Variants in CDH4 observed in about 807,000 individuals in gnomAD.
CDH4 encodes the protein cadherin 4.
CDH4 carries 33 observed loss-of-function variants against 86.0 expected under a neutral mutation model. The ratio of observed to expected loss-of-function variants is 0.38; its 90% confidence interval spans 0.29 to 0.51. The LOEUF is 0.51. Among genes scored for constraint, CDH4 ranks in the 20% least tolerant of loss-of-function variants. The probability of loss-of-function intolerance (pLI) is 0.86; values close to 1 mark genes in which losing one functional copy is unlikely to be tolerated. For synonymous variants in CDH4, 555 were observed against 549.4 expected, an observed-to-expected ratio of 1.01 and a Z score of -0.14; for missense variants, 1,114 against 1,307.4, an observed-to-expected ratio of 0.85 and a Z score of 2.28.
In CDH4 at chr20:61,357,808, C is replaced by T. The variant is rs114428214; in HGVS notation, c.169+102871C>T. On this transcript the variant is annotated intron_variant, in intron 2 of 15. Coordinates refer to ENST00000614565, the MANE Select transcript of CDH4 (RefSeq NM_001794.5). ...CTCACAAAGCAGACCCGTGTGCCAG[C>T]CAGGACCACATGCCTGCAAGTGATC... Among the ~76,000 whole-genome samples the T allele has an allele frequency of 6.9e-3, 1,058 of 152,330 alleles. 9 individuals carry two copies. The highest frequency in any genetic ancestry group is 0.022 in the African/African-American group (918 of 41,580).
chr20:61,484,202 C>T (rs892027263), intron 2 of CDH4, among the ~76,000 whole-genome samples: 3 of 152,062 alleles, frequency 2.0e-5, no homozygotes, highest in African/African-American at 7.2e-5. Context: ...TAATATTTTC[C>T]CACCAGCACC....
chr20:61,652,930 A>ATTT (rs1200927520), intron 2 of CDH4, among the ~76,000 whole-genome samples: 6 of 108,024 alleles, frequency 5.6e-5, no homozygotes, highest in African/African-American at 1.2e-4. Context: ...TTATTTATTT[A>ATTT]TTTATTTATT....
In CDH4 at chr20:61,910,303, GC is replaced by G; in HGVS notation, c.1189-118del. ...TTCTGTTTGTGAACACTCGAGCTGG[GC>G]TGACACGGTGTGTTCTGTTTGTGAA... On this transcript the variant is annotated intron_variant, in intron 8 of 15. Coordinates refer to ENST00000614565, the MANE Select transcript of CDH4 (RefSeq NM_001794.5). 5.9e-6 allele frequency: 5 copies of G among 848,126 alleles called. 1 individual carries two copies. In the South Asian group the frequency reaches 6.5e-5, roughly 11 times the overall value. 52.5% of individuals were successfully genotyped at this position (848,126 alleles called of 1,614,324 possible).
chr20:61,921,546 G>A (rs756776496), intron 9 of CDH4, among the ~76,000 whole-genome samples: 1 of 152,224 alleles, frequency 6.6e-6, no homozygotes, highest in Non-Finnish European at 1.5e-5. Flanking sequence ...GAGGTCAGAA[G>A]TTCAAGACCA....
At chr20:61,435,498 G>A (rs994707096) in intron 2 of CDH4, 4 of 152,614 alleles carry the variant, frequency 2.6e-5, no homozygotes, top group Non-Finnish European at 2.9e-5. Flanking sequence ...GGTGCACTGC[G>A]GCCGGAGGAG....
At chr20:61,875,021 G>T (rs555649832) in intron 7 of CDH4, among the ~76,000 whole-genome samples, 23 of 152,348 alleles carry the variant, frequency 1.5e-4, no homozygotes, top group Non-Finnish European at 2.8e-4. Context: ...GCAAGCTGGG[G>T]CTGCCAACCT....
chr20:61,921,116 G>T (rs1314503692), intron 9 of CDH4, among the ~76,000 whole-genome samples: 1 of 149,500 alleles, frequency 6.7e-6, no homozygotes, highest in African/African-American at 2.4e-5. Flanking sequence ...TGGAAGCGTG[G>T]TGTCACGGTG....
At chr20:61,504,343 T>G (rs2085725331) in intron 2 of CDH4, among the ~76,000 whole-genome samples, 1 of 152,190 alleles carries the variant, frequency 6.6e-6, no homozygotes, top group Non-Finnish European at 1.5e-5. Context: ...GATGTTCGGA[T>G]TGTGGTTTTT....
At chr20:61,893,548 G>A (rs1219381333) in intron 7 of CDH4, among the ~76,000 whole-genome samples, 4 of 145,478 alleles carry the variant, frequency 2.7e-5, no homozygotes, top group African/African-American at 7.6e-5. Flanking sequence ...GTGGATGGGT[G>A]CATGAATAGA....
At chr20:61,881,396 C>T (rs998824288) in intron 7 of CDH4, among the ~76,000 whole-genome samples, 7 of 152,216 alleles carry the variant, frequency 4.6e-5, no homozygotes. Flanking sequence ...GAGAGAGAAG[C>T]CGTGGCTGCG....
At chr20:61,344,305 C>T (rs1373721919) in intron 2 of CDH4, among the ~76,000 whole-genome samples, 1 of 152,178 alleles carries the variant, frequency 6.6e-6, no homozygotes, top group Non-Finnish European at 1.5e-5. Context: ...GGGGGCTGTA[C>T]ATGGACTGGG....
At chr20:61,893,847 G>GTGGA (rs926433638) in intron 7 of CDH4, among the ~76,000 whole-genome samples, 2 of 151,428 alleles carry the variant, frequency 1.3e-5, no homozygotes, top group East Asian at 2.0e-4. Flanking sequence ...GGGTGGCTGG[G>GTGGA]TGGATGGATG....
At chr20:61,630,425 A>C (rs949601306) in intron 2 of CDH4, among the ~76,000 whole-genome samples, 2 of 152,150 alleles carry the variant, frequency 1.3e-5, no homozygotes, top group Non-Finnish European at 2.9e-5. Flanking sequence ...TGCTTGGCTC[A>C]GGGCTTGTGG....
intron 4 of CDH4, among the ~76,000 whole-genome samples, chr20:61,775,691 A>G (rs921152129): frequency 6.6e-6 from 1 of 152,208 alleles, no homozygotes. Context: ...GGGTAGGCAC[A>G]TTATTTGTGG....
chr20:61,467,453 G>T (rs181549582), intron 2 of CDH4, among the ~76,000 whole-genome samples: 1 of 152,184 alleles, frequency 6.6e-6, no homozygotes, highest in East Asian at 1.9e-4. Context: ...AGTATGATAA[G>T]TAATAGAATA....
chr20:61,254,696 G>A (rs978144388), intron 1 of CDH4, 130 bp from the exon 2 acceptor site: 2 of 697,400 alleles, frequency 2.9e-6, no homozygotes, highest in Non-Finnish European at 5.2e-6. Context: ...TCGCGTCTGG[G>A]TGGAGACGGT....
At chr20:61,781,533 G>A (rs1320907169) in intron 4 of CDH4, among the ~76,000 whole-genome samples, 2 of 152,228 alleles carry the variant, frequency 1.3e-5, no homozygotes, top group African/African-American at 2.4e-5. Context: ...GGATTGCTGA[G>A]GCAGGAGAAA....
chr20:61,638,220 C>T (rs936288483), intron 2 of CDH4, among the ~76,000 whole-genome samples: 5 of 152,162 alleles, frequency 3.3e-5, no homozygotes, highest in Admixed American at 6.5e-5. Flanking sequence ...TCGGCTGCCC[C>T]CTTCACACTT....
At chr20:61,485,164 T>C (rs1189608967) in intron 2 of CDH4, among the ~76,000 whole-genome samples, 5 of 152,202 alleles carry the variant, frequency 3.3e-5, no homozygotes, top group African/African-American at 1.2e-4. Context: ...CCCTGTTCCA[T>C]TGCGAGATGT....
Sources: allele counts gnomAD v4.1 joint callset (sites outside exome capture counted in the v4.1 genomes callset), GRCh38; gene constraint gnomAD v4.1.1; transcripts MANE v1.5; gene names NCBI Gene and HGNC (gene_info 2026-07-23, HGNC 2026-07-21).